MYH13: variants seen among roughly 807,000 people sequenced by gnomAD.
MYH13 encodes the protein myosin-13.
Under a neutral mutation model 232.1 loss-of-function variants are expected in MYH13, and 177 were observed. That is an observed-to-expected ratio of 0.76 (90% confidence interval 0.67 to 0.86). The LOEUF is 0.86. Among genes scored for constraint, MYH13 ranks in the 40% least tolerant of loss-of-function variants. The probability of loss-of-function intolerance (pLI) is 0.00; values close to 1 mark genes in which losing one functional copy is unlikely to be tolerated. For synonymous variants in MYH13, 884 were observed against 923.5 expected (o/e 0.96, Z 0.78); for missense variants, 2,246 against 2,405.9 (o/e 0.93, Z 1.39).
At chr17:10,335,239 A>T (rs1159656801) in intron 18 of MYH13, among the ~76,000 whole-genome samples, 2 of 152,204 alleles carry the variant, frequency 1.3e-5, no homozygotes, top group African/African-American at 2.4e-5. Context: ...AATATTGTAT[A>T]AAATTACCTT....
intron 16 of MYH13, chr17:10,341,016 T>TC (rs1427595314): frequency 2.1e-5 from 2 of 93,784 alleles, no homozygotes; most frequent in Admixed American, 2.1e-4. Flanking sequence ...GTTTGTAGTT[T>TC]CTTTTTTTTT....
chr17:10,319,135 C>T lies in MYH13; in HGVS notation c.3393G>A (p.Thr1131=), dbSNP rs529605906. ...GCTGCTTCTCAATCTTGGCTCTGAG[C>T]GTGTGTTCCGCTTCAATTTCCTCCT... ...ELEEEIEAEH[T]LRAKIEKQRS... Residue 1131 remains threonine, a synonymous_variant, in exon 27 of 41, where the codon ACG becomes ACA. Transcript: ENST00000252172. 7.3e-5 allele frequency: 118 copies of T among 1,614,112 alleles called. No homozygotes were observed. The South Asian group carries it at 8.8e-4, about 12-fold the overall frequency.
chr17:10,321,083 A>G (rs1906923076), intron 24 of MYH13, among the ~76,000 whole-genome samples: 1 of 152,228 alleles, frequency 6.6e-6, no homozygotes, highest in Non-Finnish European at 1.5e-5. Flanking sequence ...TCTTACATCA[A>G]GAACAATAAT....
At chr17:10,332,054 G>A (rs952738045) in intron 20 of MYH13, 45 bp downstream of exon 20, 2 of 1,610,392 alleles carry the variant, frequency 1.2e-6, no homozygotes, top group African/African-American at 2.7e-5. Context: ...AAGCAGCCCA[G>A]GGCTGTGGGG....
intron 23 of MYH13, 101 bp downstream of exon 23, chr17:10,323,921 A>G: frequency 2.0e-6 from 3 of 1,467,000 alleles, no homozygotes; most frequent in Non-Finnish European, 2.7e-6. Flanking sequence ...TTTCTGGGCA[A>G]TGTTATATTG....
In MYH13 at chr17:10,359,727, G is replaced by C. The variant is rs78150799; in HGVS notation, c.645+233C>G. On this transcript the variant is annotated intron_variant, in intron 7 of 40. Coordinates refer to ENST00000252172, the MANE Select transcript of MYH13 (RefSeq NM_003802.3). ...AGGTAGTTAGTATCAGAATTGAATT[G>C]AATTGTAGGACACCCAGTTGGTGTC... Among the ~76,000 whole-genome samples, 444 of 152,204 alleles carry C rather than the reference G, an allele frequency of 2.9e-3. 19 individuals are homozygous for C. In the East Asian group the frequency reaches 0.068, roughly 23 times the overall value.
chr17:10,338,992 T>C (rs185356171), intron 18 of MYH13, among the ~76,000 whole-genome samples: 16 of 152,278 alleles, frequency 1.1e-4, no homozygotes, highest in East Asian at 9.7e-4. Flanking sequence ...TGAGCCACTG[T>C]GCCCGGCCTA....
intron 2 of MYH13, 59 bp from the exon 3 acceptor site, chr17:10,364,601 GC>G: frequency 7.1e-7 from 1 of 1,418,334 alleles, no homozygotes; most frequent in Non-Finnish European, 9.7e-7. Flanking sequence ...AAGCTGCAGG[GC>G]CCCTACCCTT....
chr17:10,324,385 C>T, intron 22 of MYH13, 121 bp from the exon 23 acceptor site: 2 of 1,123,278 alleles, frequency 1.8e-6, no homozygotes, highest in Middle Eastern at 2.0e-4. Context: ...CATGCACACA[C>T]ATGCACGCAC....
intron 29 of MYH13, among the ~76,000 whole-genome samples, chr17:10,314,425 A>G (rs974308852): frequency 3.3e-5 from 5 of 152,028 alleles, no homozygotes; most frequent in African/African-American, 1.2e-4. Flanking sequence ...CAAAAAAAAA[A>G]AAAAAGGCAA....
chr17:10,316,939 G>A (rs1480189457), intron 27 of MYH13, among the ~76,000 whole-genome samples: 1 of 152,214 alleles, frequency 6.6e-6, no homozygotes, highest in East Asian at 1.9e-4. Flanking sequence ...GCGTCCTGGA[G>A]GAGCTTAGGA....
chr17:10,349,301 A>G (rs1232530598), intron 12 of MYH13, among the ~76,000 whole-genome samples: 2 of 151,958 alleles, frequency 1.3e-5, no homozygotes, highest in Admixed American at 6.6e-5. Context: ...GGGTTTTACC[A>G]TGTTGGCCAG....
Position 10,330,293 on chromosome 17 carries a change from A to G in MYH13, c.2435+94T>C, listed in dbSNP as rs777992338. ...GTTAAACAAATGAAGGAAAGAGAGC[A>G]AGCACATGGAAATCCCAAGACTAAA... On this transcript the variant is annotated intron_variant, in intron 21 of 40. Transcript: ENST00000252172. The G allele has an allele frequency of 1.9e-5, 29 of 1,516,760 alleles. No individual in the cohort carries two copies. In the Admixed American group the frequency reaches 4.4e-4, roughly 23 times the overall value. 94.0% of individuals were successfully genotyped at this position (1,516,760 alleles called of 1,614,324 possible). A position where few individuals can be genotyped will look rare whatever the true frequency, so the allele number is the denominator to read the frequency against.
chr17:10,361,584 G>A (rs1471537499), intron 5 of MYH13, among the ~76,000 whole-genome samples: 1 of 152,140 alleles, frequency 6.6e-6, no homozygotes, highest in South Asian at 2.1e-4. Context: ...GTGAGCCACC[G>A]CACCCAGCCT....
In MYH13 at chr17:10,309,344, C is replaced by G. The variant is rs554828485; in HGVS notation, c.5059G>C (p.Glu1687Gln). Residue 1687 changes from glutamate to glutamine, a missense_variant, in exon 35 of 41, where the codon GAG (glutamate) becomes CAG (glutamine). By Grantham distance (29) the Glu-to-Gln change is conservative (BLOSUM62 2). Coordinates refer to ENST00000252172, the MANE Select transcript of MYH13 (RefSeq NM_003802.3). ...GCCACCTTCATTTCCTCCAGCTCCTCCAGCAGGAGGCCATTCCTGCGCTCC... is the reference window on the plus strand; with the variant it reads ...GCCACCTTCATTTCCTCCAGCTCCTGCAGCAGGAGGCCATTCCTGCGCTCC... Reference protein sequence around the residue: ...IVERRNGLLLEELEEMKVALE... With the variant: ...IVERRNGLLLQELEEMKVALE... The G allele has an allele frequency of 6.2e-7, 1 of 1,613,716 alleles. No individual in the cohort carries two copies. The highest frequency in any genetic ancestry group is 8.5e-7 in the Non-Finnish European group (1 of 1,179,844).
At chr17:10,347,140 C>T (rs370864105) in intron 12 of MYH13, among the ~76,000 whole-genome samples, 2 of 152,040 alleles carry the variant, frequency 1.3e-5, no homozygotes, top group East Asian at 1.9e-4. Context: ...GAGGCTAAGG[C>T]GGGTGGATCA....
At chr17:10,314,172 C>T (rs1186954475) in intron 29 of MYH13, among the ~76,000 whole-genome samples, 4 of 152,140 alleles carry the variant, frequency 2.6e-5, no homozygotes, top group Non-Finnish European at 5.9e-5. Flanking sequence ...GTAATCCTAG[C>T]AGTTTGGGAG....
At chr17:10,322,674 C>T (rs1232421317) in intron 23 of MYH13, among the ~76,000 whole-genome samples, 3 of 145,018 alleles carry the variant, frequency 2.1e-5, no homozygotes, top group East Asian at 2.0e-4. Flanking sequence ...CACTCTGTCG[C>T]CCAGGCTGGA....
rs1390471254 is a variant in MYH13, at chr17:10,362,115, C to T, written c.505+3G>A. ...AAAAATATGAATCAAAGAAATTACT[C>T]ACCAGTCAGCATGAACTGATAGGCA... On this transcript the variant is annotated splice_donor_region_variant and intron_variant, in intron 5 of 40. Transcript: ENST00000252172. 6.2e-7 allele frequency: 1 copy of T among 1,613,748 alleles called. No homozygotes were observed. The highest frequency in any genetic ancestry group is 1.7e-5 in the Admixed American group (1 of 60,000).
Sources: allele counts gnomAD v4.1 joint callset (sites outside exome capture counted in the v4.1 genomes callset), GRCh38; gene constraint gnomAD v4.1.1; transcripts MANE v1.5; gene names NCBI Gene and HGNC (gene_info 2026-07-23, HGNC 2026-07-21).